PAM: variants seen among roughly 807,000 people sequenced by gnomAD.
PAM encodes peptidyl-glycine alpha-amidating monooxygenase.
A neutral mutation model predicts 122.1 loss-of-function variants in PAM; 72 were observed. The ratio of observed to expected loss-of-function variants is 0.59; its 90% CI spans 0.49 to 0.72. The LOEUF is 0.72. PAM is among the 30% of genes least tolerant of loss of function. PAM has a pLI of 0.00. For missense variants in PAM, 1,106 were observed against 1,183.7 expected (o/e 0.93, Z 0.96); for synonymous variants, 389 against 404.4 (o/e 0.96, Z 0.46).
At chr5:102,906,997 TATC>T (rs1369146228) in intron 4 of PAM, among the ~76,000 whole-genome samples, 3 of 151,772 alleles carry the variant, frequency 2.0e-5, no homozygotes, top group African/African-American at 7.2e-5. Context: ...TTAAAAGAGA[TATC>T]ATCTAGAAAT....
At chr5:102,934,502 CCTT>C (rs1257153140) in intron 7 of PAM, among the ~76,000 whole-genome samples, 1 of 152,126 alleles carries the variant, frequency 6.6e-6, no homozygotes, top group Non-Finnish European at 1.5e-5. Context: ...CCTCAGTTTT[CCTT>C]CTTTATTCTC....
intron 1 of PAM, among the ~76,000 whole-genome samples, chr5:102,765,371 C>T (rs1753594966): frequency 6.6e-6 from 1 of 152,168 alleles, no homozygotes; most frequent in Admixed American, 6.5e-5. Flanking sequence ...TGAAATAAAA[C>T]ATGTACAAAG....
chr5:102,885,917 C>T (rs1792937700), intron 3 of PAM, among the ~76,000 whole-genome samples: 1 of 151,964 alleles, frequency 6.6e-6, no homozygotes, highest in Non-Finnish European at 1.5e-5. Context: ...GTGAAGCAAA[C>T]AAAAGCCAAA....
At chr5:102,821,264 G>A (rs1771802697) in intron 1 of PAM, among the ~76,000 whole-genome samples, 1 of 152,128 alleles carries the variant, frequency 6.6e-6, no homozygotes, top group Non-Finnish European at 1.5e-5. Flanking sequence ...ACATGCTCAT[G>A]AGGGAAAGAA....
At chr5:102,969,525 A>G (rs1477698394) in intron 14 of PAM, among the ~76,000 whole-genome samples, 1 of 152,092 alleles carries the variant, frequency 6.6e-6, no homozygotes, top group Non-Finnish European at 1.5e-5. Context: ...AAAAGATAAG[A>G]TTCCCAAATG....
At chr5:102,775,589 G>A (rs969867072) in intron 1 of PAM, among the ~76,000 whole-genome samples, 3 of 152,196 alleles carry the variant, frequency 2.0e-5, no homozygotes, top group South Asian at 4.2e-4. Flanking sequence ...AGAACATGTG[G>A]TGTTTGTTTT....
chr5:102,922,721 T>TCA (rs1747878745), intron 5 of PAM, among the ~76,000 whole-genome samples: 1 of 152,222 alleles, frequency 6.6e-6, no homozygotes, highest in South Asian at 2.1e-4. Flanking sequence ...CCTAAGACTG[T>TCA]CATCACATTG....
At chr5:102,809,348 C>G (rs1767168085) in intron 1 of PAM, among the ~76,000 whole-genome samples, 2 of 97,898 alleles carry the variant, frequency 2.0e-5, no homozygotes, top group Middle Eastern at 5.6e-3. Context: ...AGACCTGTCT[C>G]TACCAAAAAA....
intron 1 of PAM, among the ~76,000 whole-genome samples, chr5:102,821,419 G>T (rs1771856332): frequency 6.6e-6 from 1 of 152,114 alleles, no homozygotes; most frequent in Non-Finnish European, 1.5e-5. Context: ...TCCTCTAACT[G>T]GCGCTGTCTT....
chr5:102,930,027 G>T (rs1750931923), intron 7 of PAM, among the ~76,000 whole-genome samples: 1 of 152,130 alleles, frequency 6.6e-6, no homozygotes, highest in South Asian at 2.1e-4. Flanking sequence ...AAGATTGGCT[G>T]TGATTTTAGA....
Position 102,871,669 on chromosome 5 carries a change from C to T in PAM, c.210+4276C>T, listed in dbSNP as rs1040814279. 3.5e-4 allele frequency among the ~76,000 whole-genome samples: 52 copies of T among 146,750 alleles called. 1 individual carries two copies. Among genetic ancestry groups the T allele is most frequent in the Admixed American group, 2.8e-3 (41 of 14,652 alleles). On this transcript the variant is annotated intron_variant, in intron 3 of 25. Coordinates refer to ENST00000438793, the MANE Select transcript of PAM (RefSeq NM_001177306.2). The stretch of plus-strand genomic sequence containing the variant: ...GAGAAGTTATTAAAAGAACTCTCAT[C>T]GGTTTGAAACCTTTTATTTTATATA...
At position 102,846,531 on chromosome 5, in the gene PAM, CTCCT is replaced by C. The variant is rs1263197800; in HGVS notation, c.-373-19291_-373-19288del. Reference sequence around the variant, plus strand: ...TGGTGGTTAGCTCAGATACAGCTTCCTCCTGGAAGCTGCCTGTCTCAGTCAGGCT... The same window carrying C: ...TGGTGGTTAGCTCAGATACAGCTTCCGGAAGCTGCCTGTCTCAGTCAGGCT... On this transcript the variant is annotated intron_variant, in intron 1 of 25. Transcript: ENST00000438793. Among the ~76,000 whole-genome samples, 222 of 138,800 alleles carry C rather than the reference CTCCT, an allele frequency of 1.6e-3. 4 individuals are homozygous for C. The highest frequency in any genetic ancestry group is 8.7e-4 in the Non-Finnish European group (58 of 66,828). The allele number at this position is 138,800 out of a possible 152,430, so 91.1% of individuals were successfully genotyped here.
At chr5:102,996,479 T>C (rs1298794493) in intron 16 of PAM, among the ~76,000 whole-genome samples, 1 of 152,204 alleles carries the variant, frequency 6.6e-6, no homozygotes, top group Admixed American at 6.6e-5. Flanking sequence ...TTACCTTTCT[T>C]TGAATTACAA....
At chr5:103,016,848 C>A (rs925649193) in intron 21 of PAM, among the ~76,000 whole-genome samples, 7 of 152,140 alleles carry the variant, frequency 4.6e-5, no homozygotes, top group Middle Eastern at 3.4e-3. Flanking sequence ...TTTTTCTTAT[C>A]AATAATATAC....
intron 6 of PAM, among the ~76,000 whole-genome samples, chr5:102,926,187 C>CAT (rs1561911276): frequency 7.2e-5 from 11 of 152,016 alleles, no homozygotes; most frequent in Admixed American, 1.3e-4. Flanking sequence ...CTCCGCTTCC[C>CAT]GGGTTCACGC....
intron 1 of PAM, among the ~76,000 whole-genome samples, chr5:102,764,281 T>C (rs1717022414): frequency 6.7e-6 from 1 of 150,176 alleles, no homozygotes; most frequent in Non-Finnish European, 1.5e-5. Context: ...ATTAAAAACA[T>C]ATATATAATA....
chr5:102,932,155 A>C (rs1751758987), intron 7 of PAM, among the ~76,000 whole-genome samples: 1 of 152,206 alleles, frequency 6.6e-6, no homozygotes, highest in Non-Finnish European at 1.5e-5. Flanking sequence ...TAACCCTTTA[A>C]GTACTATAAT....
chr5:102,999,390 GT>G (rs1223660159), intron 16 of PAM, among the ~76,000 whole-genome samples: 1 of 152,236 alleles, frequency 6.6e-6, no homozygotes, highest in Non-Finnish European at 1.5e-5. Flanking sequence ...TGCTTTCACA[GT>G]TGGCATTGAG....
intron 7 of PAM, among the ~76,000 whole-genome samples, chr5:102,928,649 A>G (rs552377825): frequency 3.9e-5 from 6 of 152,234 alleles, no homozygotes; most frequent in South Asian, 2.1e-4. Context: ...AAAATATCAA[A>G]TCTCACTAAA....
Sources: gnomAD v4.1 joint callset for allele counts (sites outside exome capture counted in the v4.1 genomes callset) on GRCh38, gnomAD v4.1.1 for gene constraint, MANE v1.5 for transcripts, NCBI Gene and HGNC (gene_info 2026-07-23, HGNC 2026-07-21) for gene names.